Variants in ELFN2 observed in about 807,000 individuals in gnomAD.
ELFN2 encodes extracellular leucine rich repeat and fibronectin type III domain containing 2, also known as protein phosphatase 1 regulatory subunit 29.
In ELFN2, 17 loss-of-function variants were observed where a neutral mutation model predicts 45.5. That is an observed-to-expected ratio of 0.37 (90% CI 0.26 to 0.56). The LOEUF (loss-of-function observed/expected upper bound fraction) is 0.56, where lower values mean the gene tolerates loss of function less well. Among genes scored for constraint, ELFN2 ranks in the 20% least tolerant of loss-of-function variants. The probability of loss-of-function intolerance (pLI) is 0.77; values close to 1 mark genes in which losing one functional copy is unlikely to be tolerated. For missense variants in ELFN2, 922 were observed against 1,183.2 expected (o/e 0.78, Z 3.24); for synonymous variants, 550 against 551.5 (o/e 1.00, Z 0.04).
intron 2 of ELFN2, among the ~76,000 whole-genome samples, chr22:37,393,246 C>A (rs142187228): frequency 6.6e-6 from 1 of 152,218 alleles, no homozygotes; most frequent in African/African-American, 2.4e-5. Context: ...CCTTTCTCTG[C>A]GTGTCTTTTC....
At chr22:37,407,134 C>CGT (rs139611465) in intron 2 of ELFN2, among the ~76,000 whole-genome samples, 1 of 151,752 alleles carries the variant, frequency 6.6e-6, no homozygotes, top group Non-Finnish European at 1.5e-5. Flanking sequence ...TGTGTGTGTG[C>CGT]GTGTGTGTGT....
chr22:37,388,025 C>T lies in ELFN2; in HGVS notation c.-462-12029G>A, dbSNP rs917836053. 4.6e-5 allele frequency among the ~76,000 whole-genome samples: 7 copies of T among 151,918 alleles called. No individual in the cohort carries two copies. The East Asian group carries it at 1.4e-3, about 29-fold the overall frequency. Reference sequence around the variant, plus strand: ...AGGCACCCACACCTCCCCACCTGCCCCTAGTCCCGCCTTGGTGCCGCCGCC... The same window carrying T: ...AGGCACCCACACCTCCCCACCTGCCTCTAGTCCCGCCTTGGTGCCGCCGCC... On this transcript the variant is annotated intron_variant, in intron 2 of 2. Coordinates refer to ENST00000402918, the MANE Select transcript of ELFN2 (RefSeq NM_052906.5).
In ELFN2 at chr22:37,375,837, C is replaced by CCTA. The variant is rs1236398610; in HGVS notation, c.-304_-303insTAG. On this transcript the variant is annotated 5_prime_UTR_variant, in exon 3 of 3. Transcript: ENST00000402918. The stretch of plus-strand genomic sequence containing the variant: ...GGTTCTCAGGGCTTGACTTCCTCTC[C>CCTA]CTCCTCCTCCTCCTCCTCCTCCTCC... 2.3e-5 allele frequency: 4 copies of CCTA among 176,374 alleles called. No homozygotes were observed. In the African/African-American group the frequency reaches 3.8e-4, roughly 17 times the overall value. 10.9% of individuals were successfully genotyped at this position (176,374 alleles called of 1,614,324 possible).
rs1201865503 is a variant in ELFN2 at position 37,375,358 on chromosome 22, G to A, written c.177C>T (p.Asp59=). 1 of 1,614,186 alleles carries A rather than the reference G, an allele frequency of 6.2e-7. No homozygotes were observed. The highest frequency in any genetic ancestry group is 8.5e-7 in the Non-Finnish European group (1 of 1,180,028). Residue 59 remains aspartate, a synonymous_variant, in exon 3 of 3, where the codon GAC becomes GAT. Transcript: ENST00000402918. ...TGAGCTTGTTCTCGTTGAGCCGCAG[G>A]TCGTGCACGGTGCTATTGATGTGCT... ...IPQHINSTVH[D]LRLNENKLKA... is the part of the protein sequence containing the mutation.
At chr22:37,401,762 T>G (rs1932369127) in intron 2 of ELFN2, among the ~76,000 whole-genome samples, 1 of 152,236 alleles carries the variant, frequency 6.6e-6, no homozygotes, top group Admixed American at 6.5e-5. Context: ...CATAAATTTC[T>G]GCTTACTTAA....
intron 1 of ELFN2, among the ~76,000 whole-genome samples, chr22:37,351,101 C>A (rs1029158017): frequency 1.3e-5 from 2 of 150,202 alleles, no homozygotes; most frequent in Non-Finnish European, 3.0e-5. Context: ...TCCTCCCTTG[C>A]GGTCCCCTGG....
rs368307613 is a variant in ELFN2, at chr22:37,393,422, C to T, written c.-462-17426G>A. Among the ~76,000 whole-genome samples, 17 of 152,348 alleles carry T rather than the reference C, an allele frequency of 1.1e-4. 1 individual carries two copies. The highest frequency in any genetic ancestry group is 9.6e-4 in the East Asian group (5 of 5,184). On this transcript the variant is annotated intron_variant, in intron 2 of 2. Transcript: ENST00000402918. ...CCCATCATCCTGAGGGCAGCATCTCCGGGCTAACTTGGCTTGGGCCTGGCA... is the reference window on the plus strand; with the variant it reads ...CCCATCATCCTGAGGGCAGCATCTCTGGGCTAACTTGGCTTGGGCCTGGCA...
intron 1 of ELFN2, among the ~76,000 whole-genome samples, chr22:37,345,994 G>A (rs1380977211): frequency 6.6e-6 from 1 of 152,012 alleles, no homozygotes; most frequent in Non-Finnish European, 1.5e-5. Context: ...ATCCACCCTC[G>A]CCTGGAATCC....
chr22:37,414,257 T>G (rs5995429), intron 2 of ELFN2, among the ~76,000 whole-genome samples: 4,519 of 152,114 alleles, frequency 0.03, 242 homozygotes, highest in African/African-American at 0.1. Flanking sequence ...TCAAGTTGTG[T>G]TAAGGGCTTT....
intron 1 of ELFN2, among the ~76,000 whole-genome samples, chr22:37,422,904 G>T (rs1278775347): frequency 6.1e-5 from 8 of 131,412 alleles, no homozygotes; most frequent in Non-Finnish European, 1.1e-4. Context: ...CAAGAATTCG[G>T]TACTTTTGTC....
Position 37,373,045 on chromosome 22 carries a change from C to A in ELFN2, c.*27G>T. Reference sequence around the variant, plus strand: ...CAAAAGGCCCCCAGCCCTCTGGCTCCGACCTCACCAGGGAGGAAGGGGGGG... The same window carrying A: ...CAAAAGGCCCCCAGCCCTCTGGCTCAGACCTCACCAGGGAGGAAGGGGGGG... On this transcript the variant is annotated 3_prime_UTR_variant, in exon 3 of 3. Coordinates refer to ENST00000402918, the MANE Select transcript of ELFN2 (RefSeq NM_052906.5). 6.4e-7 allele frequency: 1 copy of A among 1,561,870 alleles called. No homozygotes were observed. The highest frequency in any genetic ancestry group is 8.7e-7 in the Non-Finnish European group (1 of 1,150,508).
intron 2 of ELFN2, among the ~76,000 whole-genome samples, chr22:37,401,291 TA>T (rs1932355949): frequency 6.6e-6 from 1 of 152,170 alleles, no homozygotes; most frequent in African/African-American, 2.4e-5. Flanking sequence ...AGTTGGGCAG[TA>T]TATATAACAC....
intron 1 of ELFN2, among the ~76,000 whole-genome samples, chr22:37,424,408 G>A (rs1218228967): frequency 1.3e-5 from 2 of 152,154 alleles, no homozygotes; most frequent in Admixed American, 6.5e-5. Context: ...CCCAGTGACC[G>A]CCCTAGACAC....
chr22:37,349,073 C>T (rs1024486909), intron 1 of ELFN2, among the ~76,000 whole-genome samples: 1 of 151,304 alleles, frequency 6.6e-6, no homozygotes, highest in Non-Finnish European at 1.5e-5. Context: ...GCATGCCACG[C>T]GCTAGCCTGG....
chr22:37,385,521 G>A (rs749058783), intron 2 of ELFN2, among the ~76,000 whole-genome samples: 63 of 152,212 alleles, frequency 4.1e-4, no homozygotes, highest in Non-Finnish European at 6.5e-4. Context: ...CTGGGTCTGC[G>A]TCCCCGGAGG....
At chr22:37,367,771 G>A (rs568585686), downstream of ELFN2, among the ~76,000 whole-genome samples, 42 of 152,278 alleles carry the variant, frequency 2.8e-4, no homozygotes, top group South Asian at 5.8e-3. Context: ...TGAGTTTCCT[G>A]CTGGCCCCCT....
chr22:37,410,218 G>A (rs2145680880), intron 2 of ELFN2, among the ~76,000 whole-genome samples: 1 of 152,022 alleles, frequency 6.6e-6, no homozygotes, highest in South Asian at 2.1e-4. Context: ...AAGAGACAGG[G>A]AGAGAGAGAG....
chr22:37,405,089 C>CTTTTTTTTTTTTTT (rs1491573989), intron 2 of ELFN2, among the ~76,000 whole-genome samples: 1 of 121,534 alleles, frequency 8.2e-6, no homozygotes, highest in Non-Finnish European at 1.6e-5. Flanking sequence ...TGAACCTCAG[C>CTTTTTTTTTTTTTT]ATTTTTTTTT....
At chr22:37,400,953 C>A (rs908729062) in intron 2 of ELFN2, among the ~76,000 whole-genome samples, 2 of 152,196 alleles carry the variant, frequency 1.3e-5, no homozygotes, top group African/African-American at 4.8e-5. Flanking sequence ...CATTTCATAC[C>A]GATTCTCAAG....
Sources: allele counts gnomAD v4.1 joint callset (sites outside exome capture counted in the v4.1 genomes callset), GRCh38; gene constraint gnomAD v4.1.1; transcripts MANE v1.5; gene names NCBI Gene and HGNC (gene_info 2026-07-23, HGNC 2026-07-21).